The following AP3B1 variants were observed in gnomAD, a reference collection of about 807,000 sequenced individuals.
AP3B1 encodes adaptor related protein complex 3 subunit beta 1, also known as AP-3 complex subunit beta-1.
AP3B1 carries 61 observed loss-of-function variants against 132.5 expected under a neutral mutation model. The ratio of observed to expected loss-of-function variants is 0.46; its 90% CI spans 0.37 to 0.57. The LOEUF (loss-of-function observed/expected upper bound fraction) is 0.57. AP3B1 is among the 20% of genes least tolerant of loss of function. The pLI, the probability that AP3B1 is intolerant of heterozygous loss-of-function variation, is 0.00. For missense variants in AP3B1, 1,120 were observed against 1,289.4 expected (o/e 0.87, Z 2.01); for synonymous variants, 388 against 438.3 (o/e 0.89, Z 1.43).
chr5:78,155,583 C>T (rs991022576), intron 14 of AP3B1, among the ~76,000 whole-genome samples: 5 of 151,918 alleles, frequency 3.3e-5, no homozygotes, highest in African/African-American at 1.2e-4. Context: ...GTACTATATT[C>T]GAAAACATAC....
At chr5:78,151,408 A>G (rs1027808270) in intron 14 of AP3B1, among the ~76,000 whole-genome samples, 5 of 152,182 alleles carry the variant, frequency 3.3e-5, no homozygotes, top group Non-Finnish European at 4.4e-5. Context: ...ACTGTGTTGA[A>G]TAACAGTGGA....
At chr5:78,133,504 A>T (rs1752770834) in intron 15 of AP3B1, among the ~76,000 whole-genome samples, 1 of 152,198 alleles carries the variant, frequency 6.6e-6, no homozygotes, top group Admixed American at 6.5e-5. Context: ...TTACTTCATT[A>T]AAAATTTGGG....
intron 7 of AP3B1, among the ~76,000 whole-genome samples, chr5:78,202,080 A>G (rs1745314031): frequency 6.6e-6 from 1 of 152,066 alleles, no homozygotes; most frequent in South Asian, 2.1e-4. Context: ...TTCCCGTGCT[A>G]TGTTCGTGAA....
chr5:78,201,574 A>G (rs1745290243), intron 7 of AP3B1, among the ~76,000 whole-genome samples: 3 of 152,230 alleles, frequency 2.0e-5, no homozygotes, highest in Admixed American at 1.3e-4. Flanking sequence ...AAAGAATACA[A>G]TATGACTCTA....
chr5:78,100,021 C>G (rs538166277), intron 21 of AP3B1, among the ~76,000 whole-genome samples: 48 of 152,228 alleles, frequency 3.2e-4, no homozygotes, highest in Admixed American at 8.5e-4. Flanking sequence ...TTCTCCAAAT[C>G]TTAGCAACAC....
intron 2 of AP3B1, among the ~76,000 whole-genome samples, chr5:78,260,815 A>G (rs1459357532): frequency 6.6e-6 from 1 of 152,048 alleles, no homozygotes; most frequent in Non-Finnish European, 1.5e-5. Flanking sequence ...TTTTGTCTCT[A>G]TGAGTTTGAT....
intron 7 of AP3B1, among the ~76,000 whole-genome samples, chr5:78,185,307 C>T (rs1237803668): frequency 6.6e-6 from 1 of 152,178 alleles, no homozygotes; most frequent in Non-Finnish European, 1.5e-5. Flanking sequence ...AATATGAGTA[C>T]ATATAATAGT....
intron 24 of AP3B1, among the ~76,000 whole-genome samples, chr5:78,024,855 G>A (rs979186307): frequency 6.1e-5 from 9 of 146,986 alleles, no homozygotes; most frequent in Non-Finnish European, 9.0e-5. Context: ...GAGTCACTGC[G>A]CCTGGCCTTT....
rs187105987 is a variant in AP3B1 at position 78,237,522 on chromosome 5, T to C, written c.279+3340A>G. 3.1e-3 allele frequency among the ~76,000 whole-genome samples: 469 copies of C among 151,562 alleles called. 3 individuals are homozygous for C. The highest frequency in any genetic ancestry group is 0.02 in the Middle Eastern group (6 of 294). On this transcript the variant is annotated intron_variant, in intron 3 of 26. Coordinates refer to ENST00000255194, the MANE Select transcript of AP3B1 (RefSeq NM_003664.5). ...TATTAAATCTTTTTTTAAAAGTAGGTTTAGGCTGAACATGGTGGCTCACAC... is the reference window on the plus strand; with the variant it reads ...TATTAAATCTTTTTTTAAAAGTAGGCTTAGGCTGAACATGGTGGCTCACAC...
At chr5:78,293,273 G>T (rs997922192) in intron 1 of AP3B1, among the ~76,000 whole-genome samples, 1 of 152,204 alleles carries the variant, frequency 6.6e-6, no homozygotes, top group African/African-American at 2.4e-5. Context: ...CGATATACAG[G>T]TTAATTCAGT....
chr5:78,207,323 A>C (rs1489695148), intron 7 of AP3B1, among the ~76,000 whole-genome samples: 1 of 151,760 alleles, frequency 6.6e-6, no homozygotes, highest in Non-Finnish European at 1.5e-5. Flanking sequence ...GCTACTCAGG[A>C]GGCTCAGGCA....
At chr5:78,193,685 CAT>C (rs1421004627) in intron 7 of AP3B1, among the ~76,000 whole-genome samples, 3 of 138,352 alleles carry the variant, frequency 2.2e-5, no homozygotes, top group Admixed American at 7.6e-5. Flanking sequence ...TATATATTTA[CAT>C]ATATATTTTT....
At chr5:78,139,856 G>A (rs1350248344) in intron 15 of AP3B1, among the ~76,000 whole-genome samples, 2 of 152,078 alleles carry the variant, frequency 1.3e-5, no homozygotes, top group Non-Finnish European at 2.9e-5. Context: ...CTGTAGTACG[G>A]GGGCGGGGCA....
intron 22 of AP3B1, among the ~76,000 whole-genome samples, chr5:78,084,263 T>C (rs1251644174): frequency 1.3e-5 from 2 of 152,004 alleles, no homozygotes; most frequent in African/African-American, 4.8e-5. Flanking sequence ...GGTGGCTCAC[T>C]TGAGCCCAGG....
At chr5:78,269,936 CAG>C (rs1336391720) in intron 1 of AP3B1, among the ~76,000 whole-genome samples, 1 of 151,902 alleles carries the variant, frequency 6.6e-6, no homozygotes, top group Non-Finnish European at 1.5e-5. Flanking sequence ...TCTTTTGAGA[CAG>C]AGTCTCACTC....
intron 2 of AP3B1, among the ~76,000 whole-genome samples, chr5:78,253,796 C>T: frequency 6.6e-6 from 1 of 151,806 alleles, no homozygotes; most frequent in East Asian, 1.9e-4. Context: ...GAAACCCCAT[C>T]TCTACTAAAA....
At chr5:78,036,038 T>A (rs959903476) in intron 23 of AP3B1, among the ~76,000 whole-genome samples, 1 of 152,140 alleles carries the variant, frequency 6.6e-6, no homozygotes, top group Non-Finnish European at 1.5e-5. Context: ...CAAAACTTGA[T>A]GGCTTTCATG....
At position 78,087,682 on chromosome 5, in the gene AP3B1, T is replaced by C. The variant is rs541401436; in HGVS notation, c.2577+1711A>G. 15 of 985,346 alleles carry C rather than the reference T, an allele frequency of 1.5e-5. No individual in the cohort carries two copies. In the South Asian group the frequency reaches 2.3e-4, roughly 15 times the overall value. The allele number at this position is 985,346 out of a possible 1,614,324, so 61.0% of individuals were successfully genotyped here. On this transcript the variant is annotated intron_variant, in intron 22 of 26. Transcript: ENST00000255194. The stretch of plus-strand genomic sequence containing the variant: ...GCTTTTCTTTCCTTTGAAGAGACCA[T>C]CTCAATAAATACTTTCCTTAGTATA...
chr5:78,039,359 A>C lies in AP3B1; in HGVS notation c.2578-85T>G, dbSNP rs897138593. ...AAATATGCAAACATTTATGACATTTAATTCTTGGTTCCCCTACAGTATTAT... is the reference window on the plus strand; with the variant it reads ...AAATATGCAAACATTTATGACATTTCATTCTTGGTTCCCCTACAGTATTAT... On this transcript the variant is annotated intron_variant, in intron 22 of 26. Transcript: ENST00000255194. 3.6e-6 allele frequency: 4 copies of C among 1,097,436 alleles called. No homozygotes were observed. The African/African-American group carries it at 6.3e-5, about 17-fold the overall frequency. The allele number at this position is 1,097,436 out of a possible 1,614,324, so 68.0% of individuals were successfully genotyped here.
Sources: allele counts gnomAD v4.1 joint callset (sites outside exome capture counted in the v4.1 genomes callset), GRCh38; gene constraint gnomAD v4.1.1; transcripts MANE v1.5; gene names NCBI Gene and HGNC (gene_info 2026-07-23, HGNC 2026-07-21).